The following GPC6 variants were observed in gnomAD, a reference collection of about 807,000 sequenced individuals.
The protein encoded by GPC6 is glypican 6.
In GPC6, 14 loss-of-function variants were observed where a neutral mutation model predicts 55.2. That is an observed-to-expected ratio of 0.25 (90% confidence interval 0.17 to 0.40). The LOEUF (loss-of-function observed/expected upper bound fraction) is 0.40. GPC6 is among the 10% of genes least tolerant of loss of function. The pLI, the probability that GPC6 is intolerant of heterozygous loss-of-function variation, is 1.00. For synonymous variants in GPC6, 278 were observed against 259.6 expected (o/e 1.07, Z -0.68); for missense variants, 641 against 708.5 (o/e 0.90, Z 1.08).
intron 1 of GPC6, among the ~76,000 whole-genome samples, chr13:93,378,946 GATC>G (rs1422314467): frequency 6.7e-6 from 1 of 149,964 alleles, no homozygotes; most frequent in Admixed American, 6.7e-5. Context: ...AGTGAGCTGA[GATC>G]ATGCCATTGC....
At chr13:93,932,952 G>GT (rs1285893622) in intron 3 of GPC6, among the ~76,000 whole-genome samples, 2 of 137,114 alleles carry the variant, frequency 1.5e-5, no homozygotes, top group African/African-American at 5.4e-5. Flanking sequence ...TAACAGGGCT[G>GT]TTTTTTTGTT....
intron 4 of GPC6, among the ~76,000 whole-genome samples, chr13:94,256,510 G>A (rs1184171958): frequency 6.6e-6 from 1 of 152,130 alleles, no homozygotes; most frequent in African/African-American, 2.4e-5. Flanking sequence ...TTTTGTCAGT[G>A]TCATCTCAAT....
At chr13:93,593,871 T>C (rs993640299) in intron 2 of GPC6, among the ~76,000 whole-genome samples, 7 of 152,140 alleles carry the variant, frequency 4.6e-5, no homozygotes, top group African/African-American at 1.4e-4. Flanking sequence ...AAGATTTCTC[T>C]GTACTGAAAT....
At chr13:94,217,360 A>T (rs944094414) in intron 4 of GPC6, among the ~76,000 whole-genome samples, 4 of 152,328 alleles carry the variant, frequency 2.6e-5, no homozygotes, top group Middle Eastern at 3.4e-3. Flanking sequence ...GACCTCAGGC[A>T]TATTTGTATG....
Position 93,882,922 on chromosome 13 carries a change from A to G in GPC6, c.711+52377A>G, listed in dbSNP as rs184722631. On this transcript the variant is annotated intron_variant, in intron 3 of 8. Transcript: ENST00000377047. ...TTTTTATTTTCAGTCATCTGTCGCA[A>G]GATAGGCAAACTTCTAAGAAACGTC... Among the ~76,000 whole-genome samples the G allele has an allele frequency of 1.6e-3, 247 of 152,322 alleles. 2 individuals carry two copies. Among genetic ancestry groups the G allele is most frequent in the Middle Eastern group, 3.4e-3 (1 of 294 alleles).
intron 4 of GPC6, among the ~76,000 whole-genome samples, chr13:94,145,839 A>AT (rs1887544895): frequency 1.3e-5 from 2 of 152,162 alleles, no homozygotes; most frequent in Admixed American, 6.6e-5. Context: ...AGGTTGAGTG[A>AT]ACATGAAGCA....
chr13:93,314,909 G>T (rs530708351), intron 1 of GPC6, among the ~76,000 whole-genome samples: 5 of 152,156 alleles, frequency 3.3e-5, no homozygotes, highest in African/African-American at 1.2e-4. Context: ...TTGTTTGTTT[G>T]TTTGTTTTTT....
intron 1 of GPC6, among the ~76,000 whole-genome samples, chr13:93,339,377 T>TTA (rs755002038): frequency 7.3e-6 from 1 of 137,532 alleles, no homozygotes; most frequent in African/African-American, 2.7e-5. Flanking sequence ...CATCATCTAT[T>TTA]AAAAAAAAAA....
At chr13:93,238,949 C>G (rs1876335732) in intron 1 of GPC6, among the ~76,000 whole-genome samples, 1 of 152,028 alleles carries the variant, frequency 6.6e-6, no homozygotes, top group Non-Finnish European at 1.5e-5. Flanking sequence ...CTTAGTTGAT[C>G]CTGGCAAATT....
At chr13:94,037,037 A>G (rs1413937044) in intron 4 of GPC6, among the ~76,000 whole-genome samples, 2 of 152,018 alleles carry the variant, frequency 1.3e-5, no homozygotes, top group Non-Finnish European at 2.9e-5. Context: ...AATGTATTCC[A>G]TAGTCCAAAG....
chr13:94,359,798 A>T (rs1388535953), intron 6 of GPC6, among the ~76,000 whole-genome samples: 3 of 152,176 alleles, frequency 2.0e-5, no homozygotes, highest in Non-Finnish European at 4.4e-5. Flanking sequence ...CTTATCTGCA[A>T]TAAAAAGGTG....
chr13:93,730,204 A>G (rs1594407660), intron 2 of GPC6, among the ~76,000 whole-genome samples: 1 of 152,028 alleles, frequency 6.6e-6, no homozygotes, highest in African/African-American at 2.4e-5. Flanking sequence ...ACTTTCTCTG[A>G]TTTCTCTCCC....
At chr13:93,756,820 G>T (rs1007019417) in intron 2 of GPC6, among the ~76,000 whole-genome samples, 3 of 152,130 alleles carry the variant, frequency 2.0e-5, no homozygotes, top group Non-Finnish European at 4.4e-5. Context: ...TTGTTTTAGA[G>T]GCTTGATAGG....
chr13:94,011,148 G>T (rs1458077530), intron 3 of GPC6, among the ~76,000 whole-genome samples: 1 of 152,068 alleles, frequency 6.6e-6, no homozygotes, highest in African/African-American at 2.4e-5. Flanking sequence ...ATTCAGGGGG[G>T]TTTTTCCAGG....
chr13:94,274,567 A>G (rs1340364399), intron 4 of GPC6, among the ~76,000 whole-genome samples: 3 of 152,188 alleles, frequency 2.0e-5, no homozygotes, highest in East Asian at 3.9e-4. Context: ...TAAACACCAT[A>G]CAGGGTTGGC....
At chr13:94,133,267 CAAAAAAA>C (rs66499161) in intron 4 of GPC6, among the ~76,000 whole-genome samples, 3 of 85,102 alleles carry the variant, frequency 3.5e-5, no homozygotes, top group African/African-American at 1.5e-4. Flanking sequence ...TGACCAGTGA[CAAAAAAA>C]AAAAAAAAAA....
At chr13:93,695,931 C>G (rs1251349785) in intron 2 of GPC6, among the ~76,000 whole-genome samples, 1 of 152,072 alleles carries the variant, frequency 6.6e-6, no homozygotes, top group East Asian at 1.9e-4. Flanking sequence ...GAATTCTTAT[C>G]TAATTATGAG....
chr13:93,381,339 T>G (rs997268149), intron 1 of GPC6, among the ~76,000 whole-genome samples: 9 of 151,988 alleles, frequency 5.9e-5, no homozygotes, highest in Non-Finnish European at 1.3e-4. Flanking sequence ...TAATTTAGGG[T>G]GGAGTTGTTT....
intron 1 of GPC6, among the ~76,000 whole-genome samples, chr13:93,275,604 C>T (rs1877706422): frequency 1.3e-5 from 2 of 152,226 alleles, no homozygotes; most frequent in South Asian, 4.1e-4. Flanking sequence ...CATCTGAGGC[C>T]TCCCTCCTTG....
Sources: gnomAD v4.1 joint callset for allele counts (sites outside exome capture counted in the v4.1 genomes callset) on GRCh38, gnomAD v4.1.1 for gene constraint, MANE v1.5 for transcripts, NCBI Gene and HGNC (gene_info 2026-07-23, HGNC 2026-07-21) for gene names.